The following CSMD3 variants were observed in gnomAD, a reference collection of about 807,000 sequenced individuals.
CSMD3 encodes the protein CUB and Sushi multiple domains 3, also known as CUB and sushi domain-containing protein 3.
A neutral mutation model predicts 435.2 loss-of-function variants in CSMD3; 177 were observed. The observed-to-expected ratio is 0.41, with a 90% CI of 0.36 to 0.46. The LOEUF is 0.46. CSMD3 is among the 20% of genes least tolerant of loss of function. CSMD3 has a pLI of 0.34. For missense variants in CSMD3, 4,265 were observed against 4,504.6 expected, an observed-to-expected ratio of 0.95 and a Z score of 1.52; for synonymous variants, 1,656 against 1,520.5, an observed-to-expected ratio of 1.09 and a Z score of -2.07.
intron 50 of CSMD3, chr8:112,310,733 T>C (rs2130810340): frequency 1.8e-6 from 1 of 565,396 alleles, no homozygotes; most frequent in Non-Finnish European, 3.2e-6. Context: ...GAATAAAGTA[T>C]GTATACAAGG....
intron 1 of CSMD3, among the ~76,000 whole-genome samples, chr8:113,374,199 G>A (rs1295484766): frequency 6.6e-6 from 1 of 151,854 alleles, no homozygotes; most frequent in East Asian, 1.9e-4. Flanking sequence ...TATGAGTATA[G>A]ACACAGAAAC....
rs963295558 is a variant in CSMD3 at position 113,119,922 on chromosome 8, T to C, written c.710-20959A>G. On this transcript the variant is annotated intron_variant, in intron 4 of 70. Transcript: ENST00000297405. ...CATTTTTGTATTATTGTCCTGGATTTTTCTCTAAAGTATGGATTTAAAGAG... is the reference window on the plus strand; with the variant it reads ...CATTTTTGTATTATTGTCCTGGATTCTTCTCTAAAGTATGGATTTAAAGAG... 4.7e-5 allele frequency among the ~76,000 whole-genome samples: 7 copies of C among 150,234 alleles called. No individual in the cohort carries two copies. In the East Asian group the frequency reaches 8.1e-4, roughly 17 times the overall value.
At chr8:112,692,641 T>G (rs1323674730) in intron 13 of CSMD3, among the ~76,000 whole-genome samples, 2 of 152,184 alleles carry the variant, frequency 1.3e-5, no homozygotes, top group Non-Finnish European at 2.9e-5. Context: ...TTCACATACT[T>G]TAAAGCATCA....
chr8:113,317,303 A>G (rs574829707), intron 1 of CSMD3, among the ~76,000 whole-genome samples: 2 of 152,270 alleles, frequency 1.3e-5, no homozygotes, highest in East Asian at 1.9e-4. Context: ...ACAGCTTCCA[A>G]TTTGAACTTC....
chr8:113,103,775 C>T (rs1023673868), intron 4 of CSMD3, among the ~76,000 whole-genome samples: 1 of 151,700 alleles, frequency 6.6e-6, no homozygotes. Flanking sequence ...TATCTCTTAC[C>T]TATAGAGCAG....
chr8:112,376,442 G>A (rs73700686), intron 38 of CSMD3, among the ~76,000 whole-genome samples: 4,118 of 152,144 alleles, frequency 0.027, 171 homozygotes, highest in African/African-American at 0.094. Flanking sequence ...CTTCATTATA[G>A]AACCAAAACA....
At chr8:113,196,902 T>A (rs1169654525) in intron 3 of CSMD3, among the ~76,000 whole-genome samples, 1 of 151,230 alleles carries the variant, frequency 6.6e-6, no homozygotes, top group Non-Finnish European at 1.5e-5. Flanking sequence ...AAAGTGATTT[T>A]AAAAGTATCT....
At chr8:112,718,862 G>A (rs1044597786) in intron 13 of CSMD3, among the ~76,000 whole-genome samples, 7 of 151,930 alleles carry the variant, frequency 4.6e-5, no homozygotes, top group Admixed American at 1.3e-4. Context: ...CAGTGCCTGG[G>A]ACATAGTAGG....
chr8:113,359,612 G>A (rs1327624131), intron 1 of CSMD3, among the ~76,000 whole-genome samples: 1 of 152,174 alleles, frequency 6.6e-6, no homozygotes, highest in African/African-American at 2.4e-5. Flanking sequence ...CTAGCCATTG[G>A]CAGTATCCAC....
chr8:112,566,457 C>T (rs1829069890), intron 24 of CSMD3, among the ~76,000 whole-genome samples: 1 of 151,968 alleles, frequency 6.6e-6, no homozygotes, highest in Non-Finnish European at 1.5e-5. Flanking sequence ...AAAATCCAAG[C>T]CCGTACTATA....
At chr8:113,070,592 A>G (rs2089067226) in intron 5 of CSMD3, among the ~76,000 whole-genome samples, 1 of 151,946 alleles carries the variant, frequency 6.6e-6, no homozygotes, top group Non-Finnish European at 1.5e-5. Flanking sequence ...GTACTCTTTG[A>G]CCAACAACTC....
intron 9 of CSMD3, among the ~76,000 whole-genome samples, chr8:112,938,039 CA>C (rs1158015169): frequency 2.0e-5 from 3 of 152,006 alleles, no homozygotes; most frequent in Admixed American, 1.3e-4. Context: ...GTCGAGAAGC[CA>C]GGGGGGAAAA....
At chr8:112,754,484 A>G (rs1241231617) in intron 13 of CSMD3, among the ~76,000 whole-genome samples, 1 of 152,164 alleles carries the variant, frequency 6.6e-6, no homozygotes, top group Non-Finnish European at 1.5e-5. Context: ...TAGGAAAAAA[A>G]AAATAGCAAT....
chr8:112,241,764 T>G lies in CSMD3; in HGVS notation c.10424A>C (p.Lys3475Thr). ...TGTTCCCAGTGCAGGTCTAGGATCT[T>G]TCACCAATATTTTAGAACCAGCTAT... ...ICEAGSKILV[K>T]DPRPALGTPS... The change falls in exon 66 of 71, where the codon AAA (lysine) becomes ACA (threonine). Residue 3475 changes from lysine (K) to threonine (T), a missense_variant. Coordinates refer to ENST00000297405, the MANE Select transcript of CSMD3 (RefSeq NM_198123.2). 6.2e-7 allele frequency: 1 copy of G among 1,612,650 alleles called. No homozygotes were observed. The highest frequency in any genetic ancestry group is 1.1e-5 in the South Asian group (1 of 91,060).
chr8:112,310,907 C>T (rs2130811283), intron 50 of CSMD3, 71 bp downstream of exon 50: 1 of 1,308,702 alleles, frequency 7.6e-7, no homozygotes, highest in Non-Finnish European at 1.1e-6. Context: ...AGTTAGTGAT[C>T]CAAATAAAAA....
intron 22 of CSMD3, among the ~76,000 whole-genome samples, chr8:112,620,517 C>A (rs1411509678): frequency 6.6e-6 from 1 of 152,122 alleles, no homozygotes; most frequent in African/African-American, 2.4e-5. Context: ...CAGTCATGTA[C>A]TTTGTATTCT....
chr8:112,421,846 T>C (rs1812546813), intron 32 of CSMD3, among the ~76,000 whole-genome samples: 1 of 151,890 alleles, frequency 6.6e-6, no homozygotes, highest in Non-Finnish European at 1.5e-5. Flanking sequence ...TTATCATTCA[T>C]TAAACCCTTA....
At chr8:112,357,285 G>A (rs1191777393) in intron 38 of CSMD3, among the ~76,000 whole-genome samples, 1 of 152,166 alleles carries the variant, frequency 6.6e-6, no homozygotes, top group Non-Finnish European at 1.5e-5. Context: ...CTTTGAACTT[G>A]AGAGAGATGA....
chr8:113,325,392 T>C (rs932704812), intron 1 of CSMD3, among the ~76,000 whole-genome samples: 1 of 152,120 alleles, frequency 6.6e-6, no homozygotes, highest in African/African-American at 2.4e-5. Context: ...GAACTAATGG[T>C]ATTATATGAG....
Sources: gnomAD v4.1 joint callset for allele counts (sites outside exome capture counted in the v4.1 genomes callset) on GRCh38, gnomAD v4.1.1 for gene constraint, MANE v1.5 for transcripts, NCBI Gene and HGNC (gene_info 2026-07-23, HGNC 2026-07-21) for gene names.